The following PKNOX2 variants were observed in gnomAD, a reference collection of about 807,000 sequenced individuals.
PKNOX2 encodes homeobox protein PKNOX2.
PKNOX2 carries 14 observed loss-of-function variants against 53.1 expected under a neutral mutation model. The observed-to-expected ratio is 0.26, with a 90% CI of 0.17 to 0.41. The LOEUF (loss-of-function observed/expected upper bound fraction) is 0.41, where lower values mean the gene tolerates loss of function less well. Among genes scored for constraint, PKNOX2 ranks in the 10% least tolerant of loss-of-function variants. PKNOX2 has a pLI of 1.00. For synonymous variants in PKNOX2, 257 were observed against 242.8 expected (o/e 1.06, Z -0.54); for missense variants, 496 against 602.8 (o/e 0.82, Z 1.85).
intron 2 of PKNOX2, among the ~76,000 whole-genome samples, chr11:125,295,873 G>A (rs1217139558): frequency 2.6e-5 from 4 of 152,148 alleles, no homozygotes; most frequent in South Asian, 2.1e-4. Flanking sequence ...CCGGTAGCTC[G>A]CCCCCGTTCA....
chr11:125,277,589 G>A (rs1290166465), intron 2 of PKNOX2: 1 of 152,168 alleles, frequency 6.6e-6, no homozygotes, highest in Admixed American at 6.5e-5. Flanking sequence ...AAACGGGTGT[G>A]ACACAGAGAA....
chr11:125,314,663 T>C (rs1044375218), intron 2 of PKNOX2, among the ~76,000 whole-genome samples: 14 of 152,208 alleles, frequency 9.2e-5, no homozygotes, highest in African/African-American at 3.4e-4. Flanking sequence ...CCCCCAGCTC[T>C]GGCTGTGCTG....
At chr11:125,185,207 C>T (rs1956377035) in intron 1 of PKNOX2, among the ~76,000 whole-genome samples, 1 of 152,242 alleles carries the variant, frequency 6.6e-6, no homozygotes, top group Non-Finnish European at 1.5e-5. Context: ...CAAGTCGAGG[C>T]TGTTGCAAAA....
intron 2 of PKNOX2, among the ~76,000 whole-genome samples, chr11:125,292,785 G>T (rs1215295846): frequency 6.6e-6 from 1 of 152,160 alleles, no homozygotes. Context: ...TGTCCACATT[G>T]CCGTATACCT....
intron 2 of PKNOX2, among the ~76,000 whole-genome samples, chr11:125,237,853 C>T (rs1418072009): frequency 2.0e-5 from 3 of 152,156 alleles, no homozygotes; most frequent in Non-Finnish European, 4.4e-5. Flanking sequence ...AGCCTTGAGC[C>T]CTTCACTTAC....
chr11:125,260,560 A>T (rs1944772658), intron 2 of PKNOX2, among the ~76,000 whole-genome samples: 1 of 151,904 alleles, frequency 6.6e-6, no homozygotes, highest in South Asian at 2.1e-4. Context: ...AGTTTTGAGG[A>T]TGTTTCAGAA....
intron 1 of PKNOX2, among the ~76,000 whole-genome samples, chr11:125,200,436 C>T (rs1938305189): frequency 6.6e-6 from 1 of 152,214 alleles, no homozygotes; most frequent in African/African-American, 2.4e-5. Flanking sequence ...TGACCCTTCC[C>T]TCGTTTCCTC....
chr11:125,260,252 G>A (rs1030312567), intron 2 of PKNOX2, among the ~76,000 whole-genome samples: 3 of 152,120 alleles, frequency 2.0e-5, no homozygotes, highest in Admixed American at 6.5e-5. Context: ...AGGCTGGAGT[G>A]TAGTGGCATA....
At chr11:125,203,204 A>G (rs149644144) in intron 1 of PKNOX2, among the ~76,000 whole-genome samples, 72 of 152,264 alleles carry the variant, frequency 4.7e-4, no homozygotes, top group African/African-American at 1.7e-3. Context: ...TGCAGCCTCA[A>G]CCAGCTGGGT....
chr11:125,188,855 G>C (rs765112992), intron 1 of PKNOX2, among the ~76,000 whole-genome samples: 4 of 151,704 alleles, frequency 2.6e-5, no homozygotes, highest in Middle Eastern at 6.8e-3. Flanking sequence ...CTCATGCGCC[G>C]CCTTTTTTTT....
intron 1 of PKNOX2, among the ~76,000 whole-genome samples, chr11:125,225,086 C>T (rs1941574798): frequency 6.6e-6 from 1 of 152,202 alleles, no homozygotes; most frequent in Non-Finnish European, 1.5e-5. Flanking sequence ...ATTCTTTCTA[C>T]TCCCTCCAGC....
At position 125,220,598 on chromosome 11, in the gene PKNOX2, C is replaced by G. The variant is rs116764237; in HGVS notation, c.-200-14447C>G. On this transcript the variant is annotated intron_variant, in intron 1 of 12. Coordinates refer to ENST00000298282, the MANE Select transcript of PKNOX2 (RefSeq NM_001382323.2). The stretch of plus-strand genomic sequence containing the variant: ...ATGTTGGGGGAAAAGGAAACAATGG[C>G]AGGTCACTGGGGCAATCAGCCCTGG... 2.1e-3 allele frequency among the ~76,000 whole-genome samples: 324 copies of G among 152,256 alleles called. 4 individuals are homozygous for G. Among genetic ancestry groups the G allele is most frequent in the African/African-American group, 5.9e-3 (245 of 41,540 alleles).
chr11:125,338,410 G>A (rs761289180), intron 3 of PKNOX2, among the ~76,000 whole-genome samples: 1 of 152,098 alleles, frequency 6.6e-6, no homozygotes, highest in Non-Finnish European at 1.5e-5. Context: ...AGAGAAGAAA[G>A]CTCCGAGGGG....
intron 10 of PKNOX2, among the ~76,000 whole-genome samples, chr11:125,427,451 T>C (rs1408971308): frequency 6.6e-6 from 1 of 152,208 alleles, no homozygotes; most frequent in Non-Finnish European, 1.5e-5. Context: ...CCACCGATAA[T>C]GCGAGTACCA....
intron 5 of PKNOX2, among the ~76,000 whole-genome samples, chr11:125,371,597 T>C (rs1226046666): frequency 6.6e-6 from 1 of 151,898 alleles, no homozygotes; most frequent in Non-Finnish European, 1.5e-5. Context: ...ATGGAAACCA[T>C]GGTGTCCTGA....
chr11:125,334,443 T>C (rs1950321317), intron 3 of PKNOX2, among the ~76,000 whole-genome samples: 1 of 152,190 alleles, frequency 6.6e-6, no homozygotes, highest in African/African-American at 2.4e-5. Flanking sequence ...TCTCCTCTTC[T>C]CAGTTGGTGA....
At chr11:125,215,214 G>C (rs1940354775) in intron 1 of PKNOX2, among the ~76,000 whole-genome samples, 2 of 152,160 alleles carry the variant, frequency 1.3e-5, no homozygotes, top group African/African-American at 2.4e-5. Context: ...GGAAGACGGG[G>C]CTTAGGAGTT....
chr11:125,236,229 G>A (rs1478745038), intron 2 of PKNOX2, among the ~76,000 whole-genome samples: 3 of 152,206 alleles, frequency 2.0e-5, no homozygotes, highest in Non-Finnish European at 1.5e-5. Context: ...AATGGCCTGC[G>A]ATTCAGCGCC....
chr11:125,241,673 G>T (rs1186489399), intron 2 of PKNOX2, among the ~76,000 whole-genome samples: 1 of 152,194 alleles, frequency 6.6e-6, no homozygotes, highest in African/African-American at 2.4e-5. Context: ...TGACCAACAT[G>T]GTGAAACCCT....
Sources: gnomAD v4.1 joint callset for allele counts (sites outside exome capture counted in the v4.1 genomes callset) on GRCh38, gnomAD v4.1.1 for gene constraint, MANE v1.5 for transcripts, NCBI Gene and HGNC (gene_info 2026-07-23, HGNC 2026-07-21) for gene names.